NLGN4Y: variants seen among roughly 807,000 people sequenced by gnomAD.
NLGN4Y encodes the protein neuroligin-4, Y-linked.
Under a neutral mutation model 8.4 loss-of-function variants are expected in NLGN4Y, and 4 were observed. That is an observed-to-expected ratio of 0.48 (90% CI 0.23 to 1.09). The LOEUF is 1.09. Ranked by LOEUF, NLGN4Y falls within the 50% of genes least tolerant of loss-of-function variation. The pLI is 0.19. For missense variants in NLGN4Y, 90 were observed against 192.3 expected (o/e 0.47, Z 3.15); for synonymous variants, 35 against 75.6 (o/e 0.46, Z 2.78).
At chrY:14,640,380 C>T in intron 2 of NLGN4Y, 1 of 96,107 alleles carries the variant, frequency 1.0e-5, no homozygotes, top group Non-Finnish European at 2.2e-5. Context: ...AAGACAAGTG[C>T]TCTGAGACCA....
chrY:14,828,482 T>C, intron 5 of NLGN4Y, among the ~76,000 whole-genome samples: 2 of 32,739 alleles, frequency 6.1e-5, no homozygotes, highest in African/African-American at 1.2e-4. Context: ...AGATTACATA[T>C]TGACATTTTT....
intron 2 of NLGN4Y, among the ~76,000 whole-genome samples, chrY:14,681,850 G>A (rs778240450): frequency 3.0e-4 from 10 of 33,007 alleles, no homozygotes; most frequent in Admixed American, 1.7e-3. Flanking sequence ...TCAGAAGTAA[G>A]TGGAAGAGGG....
At chrY:14,547,804 TCTA>T (rs2080177753) in intron 1 of NLGN4Y, among the ~76,000 whole-genome samples, 1 of 33,251 alleles carries the variant, frequency 3.0e-5, no homozygotes, top group African/African-American at 1.2e-4. Context: ...CGAGTTGAGA[TCTA>T]CTTATAGATT....
chrY:14,792,631 G>GA lies in NLGN4Y; in HGVS notation c.686-31548dup, dbSNP rs758021780. 0.01 allele frequency among the ~76,000 whole-genome samples: 268 copies of GA among 26,361 alleles called. No individual in the cohort carries two copies. The Middle Eastern group carries it at 0.23, about 22-fold the overall frequency. 70.7% of individuals were successfully genotyped at this position (26,361 alleles called of 37,273 possible). A position where few individuals can be genotyped will look rare whatever the true frequency, so the allele number is the denominator to read the frequency against. ...TGACTAAAGCCTGTCTCTACAAAAA[G>GA]AAAAAAAAATTAGCTCAGTCTGGTA... On this transcript the variant is annotated intron_variant, in intron 4 of 6. Transcript: ENST00000684976.
chrY:14,535,669 G>A (rs2080130409), intron 1 of NLGN4Y, among the ~76,000 whole-genome samples: 1 of 30,570 alleles, frequency 3.3e-5, no homozygotes, highest in African/African-American at 1.3e-4. Flanking sequence ...GGGATGGGGC[G>A]GGAATCTGAA....
At chrY:14,674,706 A>G in intron 2 of NLGN4Y, among the ~76,000 whole-genome samples, 1 of 31,764 alleles carries the variant, frequency 3.1e-5, no homozygotes, top group Non-Finnish European at 7.7e-5. Context: ...CTTTCTGAAT[A>G]TATTGACTTG....
chrY:14,577,490 G>A, intron 1 of NLGN4Y, among the ~76,000 whole-genome samples: 1 of 34,156 alleles, frequency 2.9e-5, no homozygotes, highest in Non-Finnish European at 7.3e-5. Context: ...TTTTCAGGAA[G>A]GATGACAGAG....
intron 1 of NLGN4Y, among the ~76,000 whole-genome samples, chrY:14,587,736 A>G (rs766480160): frequency 2.6e-3 from 84 of 32,842 alleles, no homozygotes; most frequent in Non-Finnish European, 1.4e-3. Context: ...GACAATGTGG[A>G]TGTTCCTTTT....
At chrY:14,769,490 A>C in intron 4 of NLGN4Y, among the ~76,000 whole-genome samples, 1 of 32,285 alleles carries the variant, frequency 3.1e-5, no homozygotes, top group Non-Finnish European at 7.5e-5. Context: ...AGCCCTGAGG[A>C]GTGTGCTGTG....
chrY:14,772,847 G>T (rs2081111346), intron 4 of NLGN4Y, among the ~76,000 whole-genome samples: 1 of 32,844 alleles, frequency 3.0e-5, no homozygotes, highest in Non-Finnish European at 7.5e-5. Flanking sequence ...TGCAGAAAAG[G>T]CCTTCGGTAA....
chrY:14,667,582 A>C (rs765051279), intron 2 of NLGN4Y, among the ~76,000 whole-genome samples: 1 of 33,542 alleles, frequency 3.0e-5, no homozygotes, highest in African/African-American at 1.2e-4. Context: ...CAAACAACCC[A>C]CAATTTTACT....
chrY:14,611,152 A>T (rs2080466355), intron 1 of NLGN4Y, among the ~76,000 whole-genome samples: 1 of 32,874 alleles, frequency 3.0e-5, no homozygotes. Context: ...AATACACCAA[A>T]GGGTCTTGAC....
intron 1 of NLGN4Y, among the ~76,000 whole-genome samples, chrY:14,580,227 GA>G (rs2080312276): frequency 2.9e-3 from 2 of 699 alleles, no homozygotes; most frequent in Non-Finnish European, 4.5e-3. Context: ...AAAAAACAAA[GA>G]AAAAAAACCA....
At chrY:14,632,662 C>T (rs2080553304) in intron 2 of NLGN4Y, among the ~76,000 whole-genome samples, 4 of 33,716 alleles carry the variant, frequency 1.2e-4, no homozygotes, top group Admixed American at 1.1e-3. Context: ...TTAAATTACT[C>T]CAGTTTTCAT....
chrY:14,554,939 T>C, intron 1 of NLGN4Y, among the ~76,000 whole-genome samples: 1 of 33,409 alleles, frequency 3.0e-5, no homozygotes, highest in Non-Finnish European at 7.4e-5. Flanking sequence ...GAAAAGTCAA[T>C]GTATTAATAT....
In NLGN4Y at chrY:14,843,137, A is replaced by T; in HGVS notation, c.*1875A>T. 1 of 121,849 alleles carries T rather than the reference A, an allele frequency of 8.2e-6. No homozygotes were observed. The allele number at this position is 121,849 out of a possible 400,897, so 30.4% of individuals were successfully genotyped here. A position where few individuals can be genotyped will look rare whatever the true frequency, so the allele number is the denominator to read the frequency against. On this transcript the variant is annotated 3_prime_UTR_variant, in exon 7 of 7. Transcript: ENST00000684976. ...GAATCCATACACTCAAACTATAGTG[A>T]TATATCAGTGTTTGGGAGTGACCTC...
intron 2 of NLGN4Y, among the ~76,000 whole-genome samples, chrY:14,718,166 G>A (rs1017458893): frequency 5.9e-5 from 2 of 33,878 alleles, no homozygotes; most frequent in Non-Finnish European, 1.5e-4. Context: ...TCACTCCCAC[G>A]CACTCAGCCA....
At chrY:14,683,695 G>T (rs2080777629) in intron 2 of NLGN4Y, among the ~76,000 whole-genome samples, 1 of 33,514 alleles carries the variant, frequency 3.0e-5, no homozygotes, top group Admixed American at 2.7e-4. Context: ...AGGCTAACTG[G>T]ACCTTGATAT....
intron 6 of NLGN4Y, among the ~76,000 whole-genome samples, chrY:14,839,904 T>G: frequency 6.0e-5 from 2 of 33,073 alleles, no homozygotes; most frequent in Non-Finnish European, 1.5e-4. Flanking sequence ...TTCTTTGCTG[T>G]GGGGGTCTCT....
Sources: gnomAD v4.1 joint callset for allele counts (sites outside exome capture counted in the v4.1 genomes callset) on GRCh38, gnomAD v4.1.1 for gene constraint, MANE v1.5 for transcripts, NCBI Gene and HGNC (gene_info 2026-07-23, HGNC 2026-07-21) for gene names.